The following LGSN variants were observed in gnomAD, a reference collection of about 807,000 sequenced individuals.
The protein encoded by LGSN is lengsin.
A neutral mutation model predicts 19.5 loss-of-function variants in LGSN; 21 were observed. That is an observed-to-expected ratio of 1.07 (90% CI 0.76 to 1.55). The LOEUF (loss-of-function observed/expected upper bound fraction) is 1.55. Ranked by LOEUF, LGSN falls within the 40% of genes most tolerant of loss-of-function variation. The pLI is 0.00. For synonymous variants in LGSN, 257 were observed against 215.6 expected, an observed-to-expected ratio of 1.19 and a Z score of -1.68; for missense variants, 673 against 608.5, an observed-to-expected ratio of 1.11 and a Z score of -1.12.
chr6:63,532,333 T>C, the LGSN span, among the ~76,000 whole-genome samples: 286 of 152,344 alleles, frequency 1.9e-3, 1 homozygote, highest in Middle Eastern at 0.01. Flanking sequence ...TCTTTTCCTA[T>C]AAGATTTTCC....
At chr6:63,346,922 T>C in the LGSN span, among the ~76,000 whole-genome samples, 1 of 152,172 alleles carries the variant, frequency 6.6e-6, no homozygotes, top group Non-Finnish European at 1.5e-5. Context: ...GCTGAACACA[T>C]GGAGAAGCTG....
At chr6:63,338,373 C>T in the LGSN span, among the ~76,000 whole-genome samples, 3 of 152,006 alleles carry the variant, frequency 2.0e-5, no homozygotes, top group African/African-American at 7.2e-5. Flanking sequence ...CTCTTCAGGC[C>T]CTCACTGAAG....
the LGSN span, among the ~76,000 whole-genome samples, chr6:63,403,928 AC>A: frequency 1.3e-4 from 19 of 151,276 alleles, no homozygotes; most frequent in African/African-American, 4.7e-4. Flanking sequence ...TACATGAGAG[AC>A]TTGCTAGCCT....
chr6:63,373,074 C>A, the LGSN span, among the ~76,000 whole-genome samples: 6 of 152,076 alleles, frequency 3.9e-5, no homozygotes, highest in African/African-American at 1.4e-4. Flanking sequence ...ATCAAAGAAC[C>A]AAAGCCATTG....
chr6:63,306,442 T>C lies in LGSN; in HGVS notation c.31-11397A>G, dbSNP rs139478331. On this transcript the variant is annotated intron_variant, in intron 1 of 3. Coordinates refer to ENST00000370657, the MANE Select transcript of LGSN (RefSeq NM_016571.3). ...TTCAATTGTATTTTTATAACTCTTT[T>C]CTGTATAAAAGCAAAACCCATCTTA... is the stretch of plus-strand genomic sequence containing the variant. Among the ~76,000 whole-genome samples, 61 of 152,334 alleles carry C rather than the reference T, an allele frequency of 4.0e-4. No homozygotes were observed. In the East Asian group the frequency reaches 0.012, roughly 29 times the overall value.
At chr6:63,550,375 G>A in the LGSN span, 4 of 152,162 alleles carry the variant, frequency 2.6e-5, no homozygotes, top group African/African-American at 7.2e-5. Context: ...GGTGAGCTGA[G>A]GGTGAAGCTA....
the LGSN span, among the ~76,000 whole-genome samples, chr6:63,554,769 A>G: frequency 9.9e-5 from 15 of 152,194 alleles, no homozygotes; most frequent in African/African-American, 3.6e-4. Flanking sequence ...CCTGGGTGAC[A>G]GAGTGAAAGT....
chr6:63,490,648 C>T, the LGSN span, among the ~76,000 whole-genome samples: 1 of 152,078 alleles, frequency 6.6e-6, no homozygotes, highest in African/African-American at 2.4e-5. Flanking sequence ...GCAACTTCAG[C>T]TCACTGCAAC....
the LGSN span, among the ~76,000 whole-genome samples, chr6:63,477,459 G>A: frequency 1.8e-4 from 28 of 151,784 alleles, no homozygotes; most frequent in African/African-American, 4.8e-4. Flanking sequence ...TTCTTTTCTC[G>A]TGGCTAATAA....
the LGSN span, among the ~76,000 whole-genome samples, chr6:63,361,272 G>C: frequency 1.3e-5 from 2 of 152,332 alleles, no homozygotes; most frequent in East Asian, 3.9e-4. Flanking sequence ...TACAGATGCA[G>C]GCAGTCCTCC....
chr6:63,357,487 G>C, the LGSN span, among the ~76,000 whole-genome samples: 5 of 152,144 alleles, frequency 3.3e-5, no homozygotes, highest in African/African-American at 9.7e-5. Flanking sequence ...ATCCTCTCCA[G>C]CACCTGTTGT....
chr6:63,518,201 T>C, the LGSN span, among the ~76,000 whole-genome samples: 1 of 152,046 alleles, frequency 6.6e-6, no homozygotes, highest in South Asian at 2.1e-4. Context: ...GACTATCCCT[T>C]TACTATGGAA....
chr6:63,505,918 G>T, the LGSN span, among the ~76,000 whole-genome samples: 1 of 152,104 alleles, frequency 6.6e-6, no homozygotes, highest in Non-Finnish European at 1.5e-5. Flanking sequence ...CAAAGTGCTG[G>T]GATTACAGGC....
At chr6:63,343,502 T>C in the LGSN span, among the ~76,000 whole-genome samples, 1 of 152,210 alleles carries the variant, frequency 6.6e-6, no homozygotes, top group Non-Finnish European at 1.5e-5. Context: ...TCACTCTCCA[T>C]GTGATCTATA....
the LGSN span, among the ~76,000 whole-genome samples, chr6:63,570,512 C>T: frequency 6.6e-6 from 1 of 152,200 alleles, no homozygotes; most frequent in African/African-American, 2.4e-5. Context: ...TGACTGGATA[C>T]TTCGTGTCAG....
the LGSN span, among the ~76,000 whole-genome samples, chr6:63,428,947 G>T: frequency 6.6e-6 from 1 of 152,152 alleles, no homozygotes; most frequent in Non-Finnish European, 1.5e-5. Context: ...TACTCAGGAG[G>T]CTGAGGTATT....
chr6:63,419,172 C>T, the LGSN span, among the ~76,000 whole-genome samples: 9 of 152,230 alleles, frequency 5.9e-5, no homozygotes, highest in East Asian at 1.5e-3. Flanking sequence ...TCCTGAGGTT[C>T]CTAGCCAGTC....
chr6:63,287,058 C>T (rs1021452089), intron 2 of LGSN, among the ~76,000 whole-genome samples: 4 of 152,134 alleles, frequency 2.6e-5, no homozygotes, highest in Admixed American at 2.6e-4. Flanking sequence ...CCTGAGTATT[C>T]TTTTGCAAGA....
the LGSN span, among the ~76,000 whole-genome samples, chr6:63,341,349 G>A: frequency 2.0e-5 from 3 of 152,216 alleles, no homozygotes; most frequent in African/African-American, 7.2e-5. Flanking sequence ...CAAACAACAT[G>A]TGTAGGCACT....
Sources: allele counts gnomAD v4.1 joint callset (sites outside exome capture counted in the v4.1 genomes callset), GRCh38; gene constraint gnomAD v4.1.1; transcripts MANE v1.5; gene names NCBI Gene and HGNC (gene_info 2026-07-23, HGNC 2026-07-21).